The following DYRK1A variants were observed in gnomAD, a reference collection of about 807,000 sequenced individuals.
DYRK1A encodes the protein dual specificity tyrosine-phosphorylation-regulated kinase 1A.
In DYRK1A, 9 loss-of-function variants were observed where a neutral mutation model predicts 79.7. The observed-to-expected ratio is 0.11, with a 90% confidence interval of 0.07 to 0.20. The LOEUF is 0.20. Ranked by LOEUF, DYRK1A falls within the 10% of genes least tolerant of loss-of-function variation. The probability of loss-of-function intolerance (pLI) is 1.00; values close to 1 mark genes in which losing one functional copy is unlikely to be tolerated. For missense variants in DYRK1A, 622 were observed against 956.0 expected, an observed-to-expected ratio of 0.65 and a Z score of 4.61; for synonymous variants, 349 against 329.7, an observed-to-expected ratio of 1.06 and a Z score of -0.63.
chr21:37,456,348 A>G (rs2148514277), intron 2 of DYRK1A: 1 of 152,338 alleles, frequency 6.6e-6, no homozygotes, highest in South Asian at 2.1e-4. Flanking sequence ...GTTGTCTTCC[A>G]CAGGACATTT....
intron 8 of DYRK1A, 145 bp from the exon 9 acceptor site, chr21:37,495,973 G>A (rs1601289183): frequency 1.4e-6 from 1 of 694,094 alleles, no homozygotes; most frequent in Non-Finnish European, 2.3e-6. Context: ...CCTTTCTTGT[G>A]TTTGTTCATT....
At chr21:37,421,380 T>C (rs2050470691) in intron 2 of DYRK1A, among the ~76,000 whole-genome samples, 2 of 152,124 alleles carry the variant, frequency 1.3e-5, no homozygotes, top group Admixed American at 1.3e-4. Flanking sequence ...TTTTAAAAAA[T>C]TGTTTCGGTG....
intron 2 of DYRK1A, among the ~76,000 whole-genome samples, chr21:37,447,667 G>A (rs895187283): frequency 5.3e-5 from 8 of 152,146 alleles, no homozygotes; most frequent in East Asian, 3.9e-4. Flanking sequence ...TTGTACTCAC[G>A]GCATTATACT....
intron 2 of DYRK1A, among the ~76,000 whole-genome samples, chr21:37,439,600 C>A (rs1457249233): frequency 2.0e-5 from 3 of 152,124 alleles, no homozygotes; most frequent in Non-Finnish European, 4.4e-5. Context: ...TGCAAGGGAT[C>A]CAGGTTGCGT....
intron 2 of DYRK1A, among the ~76,000 whole-genome samples, chr21:37,471,585 C>T (rs1369700032): frequency 1.3e-5 from 2 of 152,168 alleles, no homozygotes; most frequent in African/African-American, 4.8e-5. Flanking sequence ...ACCTTCATAA[C>T]AACCTTTTCA....
rs1412345811 is a variant in DYRK1A, at chr21:37,519,714, G to C, written c.*7183G>C. On this transcript the variant is annotated 3_prime_UTR_variant, in exon 12 of 12. Transcript: ENST00000647188. ...GCACAGTCCCTGCATCTATTTAAGAGTTTTGAGGTTTGTTGTGGGAAGTTT... is the reference window on the plus strand; with the variant it reads ...GCACAGTCCCTGCATCTATTTAAGACTTTTGAGGTTTGTTGTGGGAAGTTT... 7.3e-6 allele frequency: 1 copy of C among 137,810 alleles called. No homozygotes were observed. The highest frequency in any genetic ancestry group is 1.6e-5 in the Non-Finnish European group (1 of 62,508). 8.5% of individuals were successfully genotyped at this position (137,810 alleles called of 1,614,324 possible). A position where few individuals can be genotyped will look rare whatever the true frequency, so the allele number is the denominator to read the frequency against.
chr21:37,369,549 A>G (rs1310298212), intron 1 of DYRK1A, among the ~76,000 whole-genome samples: 2 of 152,246 alleles, frequency 1.3e-5, no homozygotes, highest in African/African-American at 2.4e-5. Context: ...ATTTCTGTCA[A>G]TGTCTACACC....
At chr21:37,424,295 T>C (rs754233648) in intron 2 of DYRK1A, among the ~76,000 whole-genome samples, 2 of 152,186 alleles carry the variant, frequency 1.3e-5, no homozygotes, top group Non-Finnish European at 2.9e-5. Flanking sequence ...GTTAAAAAGA[T>C]AGTGGATTTG....
intron 2 of DYRK1A, among the ~76,000 whole-genome samples, chr21:37,458,423 C>A (rs2051730699): frequency 6.6e-6 from 1 of 152,046 alleles, no homozygotes; most frequent in Non-Finnish European, 1.5e-5. Flanking sequence ...TAAAACATTT[C>A]TTTTAAGCTC....
rs1011155793 is a variant in DYRK1A at position 37,519,584 on chromosome 21, A to T, written c.*7053A>T. ...AACAATGCAGGGAAATGAGGTGGAC[A>T]GTGTTCTCCGTGGAGGGCTAAACAG... On this transcript the variant is annotated 3_prime_UTR_variant, in exon 12 of 12. Coordinates refer to ENST00000647188, the MANE Select transcript of DYRK1A (RefSeq NM_001347721.2). The T allele has an allele frequency of 6.6e-6, 1 of 152,190 alleles. No homozygotes were observed. Among genetic ancestry groups the T allele is most frequent in the South Asian group, 2.1e-4 (1 of 4,824 alleles). 9.4% of individuals were successfully genotyped at this position (152,190 alleles called of 1,614,324 possible).
At chr21:37,390,698 AG>A (rs1243139284) in intron 1 of DYRK1A, among the ~76,000 whole-genome samples, 1 of 151,896 alleles carries the variant, frequency 6.6e-6, no homozygotes, top group Non-Finnish European at 1.5e-5. Flanking sequence ...CCTCCCAAGG[AG>A]CTGGGATTAT....
chr21:37,381,833 T>G, intron 1 of DYRK1A, among the ~76,000 whole-genome samples: 1 of 152,172 alleles, frequency 6.6e-6, no homozygotes, highest in Non-Finnish European at 1.5e-5. Flanking sequence ...GTAGCTTTGA[T>G]TATTTGTTTA....
At chr21:37,477,632 G>A (rs2052448009) in intron 3 of DYRK1A, among the ~76,000 whole-genome samples, 3 of 152,208 alleles carry the variant, frequency 2.0e-5, no homozygotes, top group African/African-American at 4.8e-5. Flanking sequence ...GTTAGGGGCA[G>A]ATATTTGTCA....
intron 2 of DYRK1A, among the ~76,000 whole-genome samples, chr21:37,455,594 G>T (rs1009829420): frequency 2.6e-5 from 4 of 152,090 alleles, no homozygotes; most frequent in Admixed American, 2.0e-4. Flanking sequence ...AGTCCTGTCA[G>T]TCTGCTCTCA....
At chr21:37,414,244 T>A (rs1443699024) in intron 1 of DYRK1A, among the ~76,000 whole-genome samples, 1 of 142,744 alleles carries the variant, frequency 7.0e-6, no homozygotes, top group East Asian at 2.3e-4. Flanking sequence ...ATTTTTTCTC[T>A]GTTTTTCCTC....
chr21:37,502,077 G>T (rs2053467207), intron 9 of DYRK1A: 1 of 151,690 alleles, frequency 6.6e-6, no homozygotes, highest in Non-Finnish European at 1.5e-5. Context: ...TATTTTCATG[G>T]TGTGTGTGTG....
chr21:37,499,853 A>G (rs896387390), intron 9 of DYRK1A, among the ~76,000 whole-genome samples: 3 of 152,218 alleles, frequency 2.0e-5, no homozygotes, highest in Admixed American at 1.3e-4. Context: ...TTGTATGCAC[A>G]TTTTTTTCTG....
At chr21:37,470,336 T>A (rs2148550446) in intron 2 of DYRK1A, among the ~76,000 whole-genome samples, 1 of 152,290 alleles carries the variant, frequency 6.6e-6, no homozygotes, top group African/African-American at 2.4e-5. Flanking sequence ...TGCTAATGAT[T>A]TTTATCCTCT....
Position 37,366,994 on chromosome 21 carries a change from C to CGCCGCT in DYRK1A, c.-710_-705dup, listed in dbSNP as rs2148345445. The stretch of plus-strand genomic sequence containing the variant: ...GAGCGGGGGGTGCGGGCGCCGCCGC[C>CGCCGCT]GCCGCTTCTGCTGCTGCTGTTCCTG... On this transcript the variant is annotated 5_prime_UTR_variant, in exon 1 of 12. Coordinates refer to ENST00000647188, the MANE Select transcript of DYRK1A (RefSeq NM_001347721.2). The CGCCGCT allele has an allele frequency of 6.0e-6, 1 of 165,426 alleles. No individual in the cohort carries two copies. Among genetic ancestry groups the CGCCGCT allele is most frequent in the Non-Finnish European group, 1.3e-5 (1 of 76,688 alleles). The allele number at this position is 165,426 out of a possible 1,614,324, so 10.2% of individuals were successfully genotyped here.
Sources: gnomAD v4.1 joint callset for allele counts (sites outside exome capture counted in the v4.1 genomes callset) on GRCh38, gnomAD v4.1.1 for gene constraint, MANE v1.5 for transcripts, NCBI Gene and HGNC (gene_info 2026-07-23, HGNC 2026-07-21) for gene names.